ABCD3: variants seen among roughly 807,000 people sequenced by gnomAD.
ABCD3 encodes the protein ATP binding cassette subfamily D member 3.
ABCD3 carries 41 observed loss-of-function variants against 105.5 expected under a neutral mutation model. That is an observed-to-expected ratio of 0.39 (90% CI 0.30 to 0.50). The LOEUF is 0.50. Among genes scored for constraint, ABCD3 ranks in the 20% least tolerant of loss-of-function variants. The pLI, the probability that ABCD3 is intolerant of heterozygous loss-of-function variation, is 0.84. For missense variants in ABCD3, 622 were observed against 806.3 expected, an observed-to-expected ratio of 0.77 and a Z score of 2.77; for synonymous variants, 258 against 269.0, an observed-to-expected ratio of 0.96 and a Z score of 0.40.
chr1:94,444,331 CAA>C (rs35583952), intron 1 of ABCD3, among the ~76,000 whole-genome samples: 7 of 93,394 alleles, frequency 7.5e-5, no homozygotes, highest in African/African-American at 1.9e-4. Context: ...GACTCCATCT[CAA>C]AAAAAAAAAA....
chr1:94,422,547 T>C (rs1212764087), intron 1 of ABCD3, among the ~76,000 whole-genome samples: 5 of 152,226 alleles, frequency 3.3e-5, no homozygotes, highest in Admixed American at 2.0e-4. Context: ...TTCTGTATTG[T>C]ACTAGTTTGT....
At chr1:94,475,812 T>C in intron 7 of ABCD3, 75 bp downstream of exon 7, 1 of 1,253,554 alleles carries the variant, frequency 8.0e-7, no homozygotes, top group Non-Finnish European at 1.1e-6. Flanking sequence ...TTATATAGAA[T>C]TGATTTTGTG....
At chr1:94,512,207 G>A (rs1749542) in intron 21 of ABCD3, among the ~76,000 whole-genome samples, 113,823 of 151,784 alleles carry the variant, frequency 0.75, 42,926 homozygotes, top group Admixed American at 0.83. Context: ...TTTTCCTTCT[G>A]ACAGACAGGA....
intron 1 of ABCD3, among the ~76,000 whole-genome samples, chr1:94,447,384 A>G (rs760639280): frequency 9.8e-5 from 15 of 152,348 alleles, no homozygotes; most frequent in Non-Finnish European, 1.6e-4. Flanking sequence ...TTCTCCTGCT[A>G]TGATTAAAAA....
upstream of ABCD3, chr1:94,418,371 C>G (rs1008390534): frequency 2.0e-6 from 2 of 1,011,566 alleles, no homozygotes; most frequent in Non-Finnish European, 2.9e-6. Context: ...CGCGGCCGGC[C>G]CCGCCCTCTG....
chr1:94,436,944 C>T (rs1034189687), intron 1 of ABCD3, among the ~76,000 whole-genome samples: 13 of 152,160 alleles, frequency 8.5e-5, no homozygotes, highest in African/African-American at 2.9e-4. Context: ...AAGATCAAAC[C>T]AGCTGCAACA....
chr1:94,441,869 G>T (rs1248997658), intron 1 of ABCD3, among the ~76,000 whole-genome samples: 1 of 152,084 alleles, frequency 6.6e-6, no homozygotes, highest in African/African-American at 2.4e-5. Flanking sequence ...TAAGAACGGG[G>T]TCAAAAGGAG....
chr1:94,399,161 C>A, the ABCD3 span, among the ~76,000 whole-genome samples: 2 of 152,220 alleles, frequency 1.3e-5, no homozygotes, highest in African/African-American at 2.4e-5. Context: ...CTCCCTTCTA[C>A]AGCCCCTTGG....
At chr1:94,420,198 G>A (rs1347037763) in intron 1 of ABCD3, among the ~76,000 whole-genome samples, 1 of 152,042 alleles carries the variant, frequency 6.6e-6, no homozygotes, top group Non-Finnish European at 1.5e-5. Flanking sequence ...GAACACACTC[G>A]TGTAATCAGC....
At chr1:94,437,697 C>G (rs939000864) in intron 1 of ABCD3, among the ~76,000 whole-genome samples, 1 of 152,190 alleles carries the variant, frequency 6.6e-6, no homozygotes, top group African/African-American at 2.4e-5. Flanking sequence ...TTAACAAATA[C>G]ATTTTGGAAG....
At chr1:94,451,344 T>A (rs749519322) in intron 1 of ABCD3, among the ~76,000 whole-genome samples, 18 of 152,224 alleles carry the variant, frequency 1.2e-4, no homozygotes, top group Non-Finnish European at 2.4e-4. Context: ...GAGATTTTAT[T>A]TAAAATTACT....
At chr1:94,442,557 A>T (rs1283617977) in intron 1 of ABCD3, among the ~76,000 whole-genome samples, 1 of 152,182 alleles carries the variant, frequency 6.6e-6, no homozygotes, top group Non-Finnish European at 1.5e-5. Context: ...CTGGGCTTTT[A>T]GTGTACCCAT....
the ABCD3 span, among the ~76,000 whole-genome samples, chr1:94,389,944 A>T: frequency 6.6e-6 from 1 of 152,246 alleles, no homozygotes; most frequent in African/African-American, 2.4e-5. Flanking sequence ...GATAGCCAAG[A>T]TCTCTGCAGA....
chr1:94,494,498 C>T (rs1465954210), intron 16 of ABCD3, among the ~76,000 whole-genome samples: 2 of 152,162 alleles, frequency 1.3e-5, no homozygotes, highest in Non-Finnish European at 2.9e-5. Flanking sequence ...TTTCTATAAT[C>T]AACAAATGTT....
At chr1:94,456,105 A>G (rs917690739) in intron 1 of ABCD3, among the ~76,000 whole-genome samples, 3 of 151,720 alleles carry the variant, frequency 2.0e-5, no homozygotes, top group Non-Finnish European at 4.4e-5. Context: ...TGAGCCCCTG[A>G]CAACCACCAT....
intron 1 of ABCD3, among the ~76,000 whole-genome samples, chr1:94,449,975 A>C (rs1381097605): frequency 6.6e-6 from 1 of 152,230 alleles, no homozygotes; most frequent in Non-Finnish European, 1.5e-5. Flanking sequence ...GGAAAGAATA[A>C]AAAGCATCTA....
rs1175174553 is a variant in ABCD3, at chr1:94,480,536, A to G, written c.757A>G (p.Lys253Glu). 1 of 1,613,916 alleles carries G rather than the reference A, an allele frequency of 6.2e-7. No homozygotes were observed. The highest frequency in any genetic ancestry group is 1.1e-5 in the South Asian group (1 of 91,086). Residue 253 changes from lysine (K) to glutamate (E), a missense_variant, in exon 9 of 23, where the codon AAG becomes GAG. Coordinates refer to ENST00000370214, the MANE Select transcript of ABCD3 (RefSeq NM_002858.4). Reference protein sequence around the residue: ...FLTRLRRPIGKMTITEQKYEG... With the variant: ...FLTRLRRPIGEMTITEQKYEG... ...AACTCGACTTCGAAGACCCATTGGT[A>G]AGATGACAATAACTGAGCAAAAGTA...
intron 21 of ABCD3, among the ~76,000 whole-genome samples, chr1:94,508,898 G>A (rs1476864021): frequency 6.6e-6 from 1 of 152,072 alleles, no homozygotes; most frequent in Non-Finnish European, 1.5e-5. Context: ...GAGACAATGG[G>A]GTTTTCTAGA....
intron 1 of ABCD3, among the ~76,000 whole-genome samples, chr1:94,443,835 A>G (rs563494777): frequency 2.7e-4 from 41 of 152,218 alleles, no homozygotes; most frequent in African/African-American, 9.9e-4. Flanking sequence ...TTGTATAGAA[A>G]TTTTAGAATT....
Sources: allele counts gnomAD v4.1 joint callset (sites outside exome capture counted in the v4.1 genomes callset), GRCh38; gene constraint gnomAD v4.1.1; transcripts MANE v1.5; gene names NCBI Gene and HGNC (gene_info 2026-07-23, HGNC 2026-07-21).